The following EPB41L4B variants were observed in gnomAD, a reference collection of about 807,000 sequenced individuals.
EPB41L4B encodes band 4.1-like protein 4B.
EPB41L4B carries 30 observed loss-of-function variants against 112.5 expected under a neutral mutation model. The ratio of observed to expected loss-of-function variants is 0.27; its 90% CI spans 0.20 to 0.36. The LOEUF (loss-of-function observed/expected upper bound fraction) is 0.36, where lower values mean the gene tolerates loss of function less well. EPB41L4B is among the 10% of genes least tolerant of loss of function. The pLI, the probability that EPB41L4B is intolerant of heterozygous loss-of-function variation, is 1.00. For missense variants in EPB41L4B, 1,024 were observed against 1,133.3 expected (o/e 0.90, Z 1.38); for synonymous variants, 408 against 439.7 (o/e 0.93, Z 0.90).
At chr9:109,242,419 T>G (rs541743626) in intron 15 of EPB41L4B, among the ~76,000 whole-genome samples, 5 of 152,216 alleles carry the variant, frequency 3.3e-5, no homozygotes, top group Non-Finnish European at 7.3e-5. Flanking sequence ...GAAACTAACA[T>G]GATAAAACAG....
Position 109,241,111 on chromosome 9 carries a change from T to C in EPB41L4B, c.1409+2507A>G. 7 of 985,692 alleles carry C rather than the reference T, an allele frequency of 7.1e-6. No individual in the cohort carries two copies. In the South Asian group the frequency reaches 1.9e-4, roughly 26 times the overall value. The allele number at this position is 985,692 out of a possible 1,614,324, so 61.1% of individuals were successfully genotyped here. A position where few individuals can be genotyped will look rare whatever the true frequency, so the allele number is the denominator to read the frequency against. The stretch of plus-strand genomic sequence containing the variant: ...CCTTGTGATAAAATTAGTTTGAATG[T>C]ATGTCCTCAACCTAAACAAAATGAA... On this transcript the variant is annotated intron_variant, in intron 15 of 25. Transcript: ENST00000374566.
intron 15 of EPB41L4B, chr9:109,240,398 A>T: frequency 1.0e-6 from 1 of 985,478 alleles, no homozygotes; most frequent in Non-Finnish European, 1.2e-6. Flanking sequence ...TAGCCAAAAA[A>T]GATCAGATTT....
intron 14 of EPB41L4B, among the ~76,000 whole-genome samples, chr9:109,244,016 G>T (rs899192848): frequency 1.3e-5 from 2 of 152,220 alleles, no homozygotes; most frequent in Non-Finnish European, 2.9e-5. Context: ...CCCAAGGGAA[G>T]AGGCGGAAGG....
At chr9:109,230,795 C>A (rs1833927506) in intron 15 of EPB41L4B, among the ~76,000 whole-genome samples, 1 of 152,058 alleles carries the variant, frequency 6.6e-6, no homozygotes, top group African/African-American at 2.4e-5. Context: ...CTTATAGCAA[C>A]TTAGTGGTCT....
chr9:109,208,626 G>A (rs1833060102), intron 17 of EPB41L4B, among the ~76,000 whole-genome samples: 1 of 152,110 alleles, frequency 6.6e-6, no homozygotes, highest in Non-Finnish European at 1.5e-5. Flanking sequence ...TAATTCATGT[G>A]ATCCAGTTAA....
chr9:109,295,168 A>G (rs1019142257), intron 1 of EPB41L4B, among the ~76,000 whole-genome samples: 8 of 152,164 alleles, frequency 5.3e-5, no homozygotes, highest in African/African-American at 1.9e-4. Flanking sequence ...GGTGCACCTT[A>G]TAAAGGGGAT....
Position 109,172,697 on chromosome 9 carries a change from A to AG in EPB41L4B, c.*1856dup, listed in dbSNP as rs1831672316. On this transcript the variant is annotated 3_prime_UTR_variant, in exon 26 of 26. Transcript: ENST00000374566. ...TCCAGTATACTCTGTTTACTAAGGC[A>AG]GGGAAGTGCGTAATACATTTTAGAA... 1 of 152,416 alleles carries AG rather than the reference A, an allele frequency of 6.6e-6. No individual in the cohort carries two copies. Among genetic ancestry groups the AG allele is most frequent in the South Asian group, 2.1e-4 (1 of 4,836 alleles). 9.4% of individuals were successfully genotyped at this position (152,416 alleles called of 1,614,324 possible).
intron 18 of EPB41L4B, among the ~76,000 whole-genome samples, chr9:109,206,463 A>G (rs1473109390): frequency 6.6e-6 from 1 of 152,248 alleles, no homozygotes; most frequent in African/African-American, 2.4e-5. Flanking sequence ...GGCTACAGGC[A>G]TGAGCCACTG....
At chr9:109,317,355 C>T (rs538273926) in intron 1 of EPB41L4B, among the ~76,000 whole-genome samples, 1 of 152,312 alleles carries the variant, frequency 6.6e-6, no homozygotes, top group African/African-American at 2.4e-5. Context: ...CTGGGTGTGC[C>T]AGTCATATCA....
chr9:109,287,425 T>TA (rs1463176602), intron 1 of EPB41L4B, among the ~76,000 whole-genome samples: 1 of 152,162 alleles, frequency 6.6e-6, no homozygotes, highest in Non-Finnish European at 1.5e-5. Flanking sequence ...CAAATCTCAT[T>TA]AGTCTCAATA....
At chr9:109,278,606 C>T (rs1835923327) in intron 2 of EPB41L4B, among the ~76,000 whole-genome samples, 1 of 152,082 alleles carries the variant, frequency 6.6e-6, no homozygotes, top group Admixed American at 6.5e-5. Flanking sequence ...TCCAGGTCTC[C>T]AGCTCAAACA....
intron 1 of EPB41L4B, among the ~76,000 whole-genome samples, chr9:109,295,659 T>G (rs1319379144): frequency 6.6e-6 from 1 of 152,132 alleles, no homozygotes; most frequent in Non-Finnish European, 1.5e-5. Context: ...TTCTTGGGAC[T>G]ATGTTCAGGC....
In EPB41L4B at chr9:109,182,885, C is replaced by T. The variant is rs538193532; in HGVS notation, c.2419-88G>A. On this transcript the variant is annotated intron_variant, in intron 23 of 25. Transcript: ENST00000374566. ...TGGCAGCGCACCTTTAAAATGGAAC[C>T]AAAGGATTCAGGGGTGCCCCCGCAG... The T allele has an allele frequency of 3.0e-4, 286 of 965,720 alleles. 1 individual carries two copies. Among genetic ancestry groups the T allele is most frequent in the South Asian group, 2.8e-3 (213 of 75,326 alleles). 59.8% of individuals were successfully genotyped at this position (965,720 alleles called of 1,614,324 possible).
intron 1 of EPB41L4B, among the ~76,000 whole-genome samples, chr9:109,288,759 G>A (rs1460680732): frequency 2.1e-5 from 2 of 93,166 alleles, no homozygotes; most frequent in African/African-American, 4.4e-5. Context: ...AAAAAAGCTG[G>A]GTGTGGTGGT....
At chr9:109,218,208 C>T (rs529746341) in intron 15 of EPB41L4B, among the ~76,000 whole-genome samples, 6 of 145,942 alleles carry the variant, frequency 4.1e-5, no homozygotes, top group Non-Finnish European at 5.9e-5. Context: ...TCACTGCAAC[C>T]TCCACCTCCC....
chr9:109,174,243 T>C lies in EPB41L4B; in HGVS notation c.*311A>G, dbSNP rs925384145. ...TGATAGTAAAAGATCCTACATCATA[T>C]TAACCCCTGTGGTTATTAACAGATA... On this transcript the variant is annotated 3_prime_UTR_variant, in exon 26 of 26. Coordinates refer to ENST00000374566, the MANE Select transcript of EPB41L4B (RefSeq NM_019114.5). The C allele has an allele frequency of 8.4e-6, 2 of 238,028 alleles. No homozygotes were observed. The highest frequency in any genetic ancestry group is 4.4e-5 in the African/African-American group (2 of 45,322). The allele number at this position is 238,028 out of a possible 1,614,324, so 14.7% of individuals were successfully genotyped here.
intron 20 of EPB41L4B, among the ~76,000 whole-genome samples, chr9:109,195,957 A>C (rs567563806): frequency 6.6e-5 from 10 of 152,296 alleles, no homozygotes; most frequent in Non-Finnish European, 1.5e-4. Flanking sequence ...TAAAGTCATA[A>C]AACAACAGTT....
At chr9:109,216,354 T>G (rs1224760244) in intron 16 of EPB41L4B, among the ~76,000 whole-genome samples, 2 of 151,974 alleles carry the variant, frequency 1.3e-5, no homozygotes, top group African/African-American at 4.8e-5. Context: ...AAGCCTTCAC[T>G]TCTTGACCGG....
chr9:109,186,339 C>T (rs1832264503), intron 22 of EPB41L4B, among the ~76,000 whole-genome samples: 1 of 151,980 alleles, frequency 6.6e-6, no homozygotes, highest in African/African-American at 2.4e-5. Context: ...AGGTATGCAC[C>T]ACCATGCCCA....
Sources: allele counts gnomAD v4.1 joint callset (sites outside exome capture counted in the v4.1 genomes callset), GRCh38; gene constraint gnomAD v4.1.1; transcripts MANE v1.5; gene names NCBI Gene and HGNC (gene_info 2026-07-23, HGNC 2026-07-21).